Variants in RIMBP2 observed in about 807,000 individuals in gnomAD.
The protein encoded by RIMBP2 is RIMS-binding protein 2.
RIMBP2 carries 48 observed loss-of-function variants against 118.6 expected under a neutral mutation model. The ratio of observed to expected loss-of-function variants is 0.40; its 90% CI spans 0.32 to 0.51. RIMBP2 has a LOEUF of 0.51. RIMBP2 is among the 20% of genes least tolerant of loss of function. The pLI, the probability that RIMBP2 is intolerant of heterozygous loss-of-function variation, is 0.41. For synonymous variants in RIMBP2, 762 were observed against 742.9 expected (o/e 1.03, Z -0.42); for missense variants, 1,551 against 1,768.3 (o/e 0.88, Z 2.20).
At chr12:130,658,318 G>A (rs764601770) in intron 1 of RIMBP2, 4 of 152,186 alleles carry the variant, frequency 2.6e-5, no homozygotes, top group Non-Finnish European at 4.4e-5. Flanking sequence ...CACTGGTCCC[G>A]AAACTCCACA....
chr12:130,579,579 G>A (rs1204173114), intron 2 of RIMBP2, among the ~76,000 whole-genome samples: 1 of 152,144 alleles, frequency 6.6e-6, no homozygotes, highest in Non-Finnish European at 1.5e-5. Flanking sequence ...TCATAGCTGT[G>A]AGTATGACTG....
At chr12:130,706,838 C>T (rs759922969) in intron 1 of RIMBP2, among the ~76,000 whole-genome samples, 22 of 152,144 alleles carry the variant, frequency 1.4e-4, no homozygotes, top group Admixed American at 1.3e-3. Flanking sequence ...TGCAGTGATT[C>T]GGCAGCCGCC....
chr12:130,453,118 T>C (rs1396825258), intron 7 of RIMBP2, among the ~76,000 whole-genome samples: 1 of 152,156 alleles, frequency 6.6e-6, no homozygotes, highest in Non-Finnish European at 1.5e-5. Flanking sequence ...CCAGCTCCCA[T>C]ACTGGAAGGA....
chr12:130,451,385 CAT>C, intron 7 of RIMBP2, 45 bp from the exon 8 acceptor site: 1 of 1,570,112 alleles, frequency 6.4e-7, no homozygotes, highest in Non-Finnish European at 8.7e-7. Context: ...ATGCGAATAA[CAT>C]CGTCAAAGCA....
intron 1 of RIMBP2, among the ~76,000 whole-genome samples, chr12:130,655,450 C>G (rs1037798493): frequency 6.6e-6 from 1 of 151,990 alleles, no homozygotes; most frequent in Non-Finnish European, 1.5e-5. Flanking sequence ...GAGGAAAAGA[C>G]CAAGGAGGGG....
chr12:130,643,710 C>T (rs1228906716), intron 1 of RIMBP2, among the ~76,000 whole-genome samples: 1 of 152,218 alleles, frequency 6.6e-6, no homozygotes, highest in African/African-American at 2.4e-5. Flanking sequence ...TGAACACCTG[C>T]GTGGGACATG....
chr12:130,700,357 C>T (rs910863899), intron 1 of RIMBP2, among the ~76,000 whole-genome samples: 9 of 152,296 alleles, frequency 5.9e-5, no homozygotes, highest in Middle Eastern at 3.4e-3. Context: ...CGGTCAACCA[C>T]GGCAGTGGAC....
At chr12:130,673,018 C>T (rs1454280926) in intron 1 of RIMBP2, among the ~76,000 whole-genome samples, 2 of 145,176 alleles carry the variant, frequency 1.4e-5, no homozygotes, top group African/African-American at 5.1e-5. Context: ...AAGGAAGACC[C>T]AGAGAAAGAA....
intron 1 of RIMBP2, among the ~76,000 whole-genome samples, chr12:130,700,853 T>C (rs1043017403): frequency 3.3e-5 from 5 of 152,224 alleles, no homozygotes; most frequent in Non-Finnish European, 7.3e-5. Context: ...TGTGCACACC[T>C]TGTGAGCGCC....
chr12:130,414,113 GCCATCC>G lies in RIMBP2; in HGVS notation c.3420+6_3420+11del, dbSNP rs747496260. The G allele has an allele frequency of 6.2e-7, 1 of 1,613,844 alleles. No individual in the cohort carries two copies. Among genetic ancestry groups the G allele is most frequent in the Admixed American group, 1.7e-5 (1 of 60,026 alleles). On this transcript the variant is annotated splice_donor_region_variant and intron_variant, in intron 18 of 22. Coordinates refer to ENST00000690449, the MANE Select transcript of RIMBP2 (RefSeq NM_001393629.1). ...GGGCTGATGAAGCCGCCCGCAGGCA[GCCATCC>G]CGCACCTTGATGATCTGGCCTTCTT...
At chr12:130,409,027 C>T (rs1341342494) in intron 19 of RIMBP2, among the ~76,000 whole-genome samples, 1 of 152,164 alleles carries the variant, frequency 6.6e-6, no homozygotes, top group African/African-American at 2.4e-5. Flanking sequence ...TCCAGAGGTT[C>T]GTGTTTCTCA....
chr12:130,411,529 C>A lies in RIMBP2; in HGVS notation c.3589+1090G>T, dbSNP rs769819395. Among the ~76,000 whole-genome samples, 34 of 148,284 alleles carry A rather than the reference C, an allele frequency of 2.3e-4. 1 individual carries two copies. The highest frequency in any genetic ancestry group is 4.6e-4 in the Non-Finnish European group (31 of 67,186). ...GATATATCAGGCTAGGTTCCCTTGG[C>A]CATCGACATTTAGAAAAATAGCATA... On this transcript the variant is annotated intron_variant, in intron 19 of 22. Coordinates refer to ENST00000690449, the MANE Select transcript of RIMBP2 (RefSeq NM_001393629.1).
At chr12:130,399,609 G>T in intron 22 of RIMBP2, 70 bp downstream of exon 22, 1 of 1,544,088 alleles carries the variant, frequency 6.5e-7, no homozygotes, top group Non-Finnish European at 8.8e-7. Context: ...AAATATCAGT[G>T]CAAAGATTGT....
chr12:130,638,796 G>A (rs1410004298), intron 1 of RIMBP2, among the ~76,000 whole-genome samples: 1 of 152,086 alleles, frequency 6.6e-6, no homozygotes, highest in Non-Finnish European at 1.5e-5. Flanking sequence ...TGCCAGGGGT[G>A]AGCAGCAGGG....
At chr12:130,462,633 T>A (rs979077035) in intron 6 of RIMBP2, among the ~76,000 whole-genome samples, 1 of 152,198 alleles carries the variant, frequency 6.6e-6, no homozygotes, top group Non-Finnish European at 1.5e-5. Flanking sequence ...CTCTAGCTGG[T>A]CCTGTGTGTG....
intron 6 of RIMBP2, among the ~76,000 whole-genome samples, chr12:130,467,437 G>A (rs1378287649): frequency 1.3e-5 from 2 of 152,210 alleles, no homozygotes; most frequent in Admixed American, 6.5e-5. Flanking sequence ...AGTGCAAGAG[G>A]ACAGCTTCGA....
chr12:130,679,880 A>G (rs10848186), intron 1 of RIMBP2, among the ~76,000 whole-genome samples: 99,904 of 151,894 alleles, frequency 0.66, 32,885 homozygotes, highest in Middle Eastern at 0.71. Flanking sequence ...TTCGCCCGCC[A>G]CGGGAAGGAT....
At chr12:130,711,105 T>C (rs1474917568) in intron 1 of RIMBP2, among the ~76,000 whole-genome samples, 1 of 152,146 alleles carries the variant, frequency 6.6e-6, no homozygotes, top group African/African-American at 2.4e-5. Context: ...TAGCCGGGCG[T>C]GGTAGCCCAC....
chr12:130,643,719 T>C (rs1036182073), intron 1 of RIMBP2, among the ~76,000 whole-genome samples: 1 of 152,208 alleles, frequency 6.6e-6, no homozygotes, highest in Non-Finnish European at 1.5e-5. Flanking sequence ...GCGTGGGACA[T>C]GTGTCAGTGA....
Sources: gnomAD v4.1 joint callset for allele counts (sites outside exome capture counted in the v4.1 genomes callset) on GRCh38, gnomAD v4.1.1 for gene constraint, MANE v1.5 for transcripts, NCBI Gene and HGNC (gene_info 2026-07-23, HGNC 2026-07-21) for gene names.